DCUN1D3: variants seen among roughly 807,000 people sequenced by gnomAD.
DCUN1D3 encodes DCN1-like protein 3.
DCUN1D3 carries 6 observed loss-of-function variants against 24.8 expected under a neutral mutation model. The ratio of observed to expected loss-of-function variants is 0.24; its 90% confidence interval spans 0.13 to 0.48. The LOEUF is 0.48. DCUN1D3 is among the 20% of genes least tolerant of loss of function. DCUN1D3 has a pLI of 0.99. For missense variants in DCUN1D3, 258 were observed against 379.4 expected, an observed-to-expected ratio of 0.68 and a Z score of 2.66; for synonymous variants, 120 against 144.9, an observed-to-expected ratio of 0.83 and a Z score of 1.24.
Position 20,862,300 on chromosome 16 carries a change from T to C in DCUN1D3, c.239A>G (p.Lys80Arg), listed in dbSNP as rs1308959527. 1 of 1,614,106 alleles carries C rather than the reference T, an allele frequency of 6.2e-7. No homozygotes were observed. Among genetic ancestry groups the C allele is most frequent in the Non-Finnish European group, 8.5e-7 (1 of 1,180,042 alleles). The stretch of plus-strand genomic sequence containing the variant: ...CAAGGAAGACTCCTCGGCATTGGAC[T>C]TGGACTCCCTCCCAGCATCTCCCGA... ...TSSGDAGRES[K>R]SNAEESSLQR... The change falls in exon 2 of 3, where the codon AAG becomes AGG. Residue 80 changes from lysine to arginine, a missense_variant. Transcript: ENST00000324344.
At chr16:20,885,691 T>C (rs1479785236) in intron 1 of DCUN1D3, among the ~76,000 whole-genome samples, 2 of 152,232 alleles carry the variant, frequency 1.3e-5, no homozygotes, top group African/African-American at 4.8e-5. Flanking sequence ...TACTACTCGT[T>C]TCCCTTCTCA....
chr16:20,879,766 T>C (rs1354418152), intron 1 of DCUN1D3, among the ~76,000 whole-genome samples: 40 of 152,234 alleles, frequency 2.6e-4, no homozygotes, highest in Admixed American at 2.6e-3. Context: ...TCATAAATTA[T>C]ATAACAAATC....
Position 20,883,065 on chromosome 16 carries a change from C to T in DCUN1D3, c.-106+17139G>A, listed in dbSNP as rs147994663. Among the ~76,000 whole-genome samples, 813 of 152,246 alleles carry T rather than the reference C, an allele frequency of 5.3e-3. 6 individuals carry two copies. The highest frequency in any genetic ancestry group is 0.024 in the Middle Eastern group (7 of 294). On this transcript the variant is annotated intron_variant, in intron 1 of 2. Transcript: ENST00000324344. ...TTTAGAATATTAACATTGTACTTAC[C>T]AGTAGAGCATCCCTAATATGAAAAT...
intron 1 of DCUN1D3, among the ~76,000 whole-genome samples, chr16:20,876,900 T>C (rs1226857348): frequency 2.0e-5 from 3 of 152,036 alleles, no homozygotes; most frequent in Non-Finnish European, 4.4e-5. Flanking sequence ...AAAAAGTGGA[T>C]CTCAGGAAGA....
rs952378010 is a variant in DCUN1D3, at chr16:20,858,608, G to A, written c.*1278C>T. The stretch of plus-strand genomic sequence containing the variant: ...ATTTGGGGGTAGGGAAAGGAGAGGA[G>A]GGTCATGTAAACCTAAACAGTCATC... On this transcript the variant is annotated 3_prime_UTR_variant, in exon 3 of 3. Transcript: ENST00000324344. The A allele has an allele frequency of 2.7e-5, 4 of 149,660 alleles. No homozygotes were observed. The highest frequency in any genetic ancestry group is 7.4e-5 in the African/African-American group (3 of 40,674). The allele number at this position is 149,660 out of a possible 1,614,324, so 9.3% of individuals were successfully genotyped here.
chr16:20,871,897 C>T (rs957035864), intron 1 of DCUN1D3, among the ~76,000 whole-genome samples: 1 of 152,180 alleles, frequency 6.6e-6, no homozygotes, highest in Non-Finnish European at 1.5e-5. Flanking sequence ...ACCAGCTTTT[C>T]CAGTGACTTT....
At chr16:20,873,742 T>G (rs1567425133) in intron 1 of DCUN1D3, among the ~76,000 whole-genome samples, 1 of 152,086 alleles carries the variant, frequency 6.6e-6, no homozygotes, top group Non-Finnish European at 1.5e-5. Flanking sequence ...ACCCAGGATA[T>G]GCCCATGACA....
chr16:20,890,870 C>A (rs2081889107), intron 1 of DCUN1D3, among the ~76,000 whole-genome samples: 1 of 151,448 alleles, frequency 6.6e-6, no homozygotes, highest in South Asian at 2.1e-4. Flanking sequence ...TCGGCACTAG[C>A]AGGAAATCAG....
intron 1 of DCUN1D3, among the ~76,000 whole-genome samples, chr16:20,873,271 T>A (rs2081798507): frequency 6.6e-6 from 1 of 152,194 alleles, no homozygotes; most frequent in African/African-American, 2.4e-5. Flanking sequence ...ATTTCCTCAA[T>A]TTATTCTTTC....
chr16:20,870,161 G>T (rs185001981), intron 1 of DCUN1D3, among the ~76,000 whole-genome samples: 12 of 152,238 alleles, frequency 7.9e-5, no homozygotes, highest in Non-Finnish European at 1.8e-4. Flanking sequence ...TCTTTCCAAG[G>T]TCTAATATTC....
At chr16:20,881,912 C>T (rs2081845716) in intron 1 of DCUN1D3, among the ~76,000 whole-genome samples, 1 of 152,140 alleles carries the variant, frequency 6.6e-6, no homozygotes, top group African/African-American at 2.4e-5. Flanking sequence ...AAGCGATTCT[C>T]CTACCTCAGC....
At chr16:20,876,818 G>T (rs1475301674) in intron 1 of DCUN1D3, among the ~76,000 whole-genome samples, 1 of 152,176 alleles carries the variant, frequency 6.6e-6, no homozygotes, top group Non-Finnish European at 1.5e-5. Flanking sequence ...GGAACTAGAG[G>T]TCATTACGTT....
In DCUN1D3 at chr16:20,854,978, AC is replaced by A. The variant is rs2081695726; in HGVS notation, c.*4907del. On this transcript the variant is annotated 3_prime_UTR_variant, in exon 3 of 3. Transcript: ENST00000324344. ...CAGCAGGTAACCTTCCAAATAAAAA[AC>A]ATTAAAGGAAAAAATGTAGACATCA... The A allele has an allele frequency of 6.6e-6, 1 of 152,628 alleles. No homozygotes were observed. Among genetic ancestry groups the A allele is most frequent in the Non-Finnish European group, 1.5e-5 (1 of 68,034 alleles). 9.5% of individuals were successfully genotyped at this position (152,628 alleles called of 1,614,324 possible). A position where few individuals can be genotyped will look rare whatever the true frequency, so the allele number is the denominator to read the frequency against.
At chr16:20,880,643 AAAG>A (rs2081839211) in intron 1 of DCUN1D3, among the ~76,000 whole-genome samples, 1 of 151,354 alleles carries the variant, frequency 6.6e-6, no homozygotes, top group Non-Finnish European at 1.5e-5. Context: ...AAAAAAGAAA[AAAG>A]AAAAGAAAAT....
In DCUN1D3 at chr16:20,895,863, G is replaced by A. The variant is rs140771122; in HGVS notation, c.-106+4341C>T. Reference sequence around the variant, plus strand: ...GACCCGGGAAAACAGGAGTTACCACGTCATTACCATTGTTTCAATCTAAGT... The same window carrying A: ...GACCCGGGAAAACAGGAGTTACCACATCATTACCATTGTTTCAATCTAAGT... On this transcript the variant is annotated intron_variant, in intron 1 of 2. Coordinates refer to ENST00000324344, the MANE Select transcript of DCUN1D3 (RefSeq NM_173475.4). Among the ~76,000 whole-genome samples the A allele has an allele frequency of 6.4e-3, 970 of 152,242 alleles. 15 individuals carry two copies. The highest frequency in any genetic ancestry group is 0.022 in the African/African-American group (930 of 41,540).
In DCUN1D3 at chr16:20,855,979, A is replaced by T. The variant is rs1037748884; in HGVS notation, c.*3907T>A. 6.6e-6 allele frequency: 1 copy of T among 152,272 alleles called. No homozygotes were observed. Among genetic ancestry groups the T allele is most frequent in the African/African-American group, 2.4e-5 (1 of 41,472 alleles). 9.4% of individuals were successfully genotyped at this position (152,272 alleles called of 1,614,324 possible). A position where few individuals can be genotyped will look rare whatever the true frequency, so the allele number is the denominator to read the frequency against. ...TCAGTTACCAAGATGCTCAAGTCAT[A>T]GCTAACCAAACATGAGAGACAAGAA... On this transcript the variant is annotated 3_prime_UTR_variant, in exon 3 of 3. Coordinates refer to ENST00000324344, the MANE Select transcript of DCUN1D3 (RefSeq NM_173475.4).
rs1051260102 is a variant in DCUN1D3, at chr16:20,896,547, C to T, written c.-106+3657G>A. Among the ~76,000 whole-genome samples, 7 of 152,134 alleles carry T rather than the reference C, an allele frequency of 4.6e-5. No individual in the cohort carries two copies. The East Asian group carries it at 5.8e-4, about 13-fold the overall frequency. ...GTGTTCAAGTCCCCTCCTACCCACCCGCCCCCTTTCAAAAATTAGAAAAGA... is the reference window on the plus strand; with the variant it reads ...GTGTTCAAGTCCCCTCCTACCCACCTGCCCCCTTTCAAAAATTAGAAAAGA... On this transcript the variant is annotated intron_variant, in intron 1 of 2. Transcript: ENST00000324344.
At chr16:20,885,127 C>A (rs2081862692) in intron 1 of DCUN1D3, among the ~76,000 whole-genome samples, 1 of 152,024 alleles carries the variant, frequency 6.6e-6, no homozygotes, top group Non-Finnish European at 1.5e-5. Context: ...GGGCACCCGC[C>A]ACCATACTCG....
chr16:20,862,488 G>A lies in DCUN1D3; in HGVS notation c.51C>T (p.Ser17=). Residue 17 remains serine, a synonymous_variant, in exon 2 of 3, where the codon AGC becomes AGT. Coordinates refer to ENST00000324344, the MANE Select transcript of DCUN1D3 (RefSeq NM_173475.4). ...KCKNPSSTLG[S]KNGDREPSNK... The stretch of plus-strand genomic sequence containing the variant: ...TGCTGGGCTCACGGTCTCCATTTTT[G>A]CTGCCCAGGGTCGATGAGGGATTCT... The A allele has an allele frequency of 6.2e-7, 1 of 1,610,946 alleles. No homozygotes were observed. Among genetic ancestry groups the A allele is most frequent in the Non-Finnish European group, 8.5e-7 (1 of 1,180,002 alleles).
Sources: gnomAD v4.1 joint callset for allele counts (sites outside exome capture counted in the v4.1 genomes callset) on GRCh38, gnomAD v4.1.1 for gene constraint, MANE v1.5 for transcripts, NCBI Gene and HGNC (gene_info 2026-07-23, HGNC 2026-07-21) for gene names.